LRCH1: variants seen among roughly 807,000 people sequenced by gnomAD.
The protein encoded by LRCH1 is leucine-rich repeat and calponin homology domain-containing protein 1.
LRCH1 carries 23 observed loss-of-function variants against 94.9 expected under a neutral mutation model. The observed-to-expected ratio is 0.24, with a 90% CI of 0.17 to 0.34. The LOEUF is 0.34. LRCH1 is among the 10% of genes least tolerant of loss of function. The pLI is 1.00. For synonymous variants in LRCH1, 364 were observed against 354.9 expected, an observed-to-expected ratio of 1.03 and a Z score of -0.29; for missense variants, 790 against 945.9, an observed-to-expected ratio of 0.84 and a Z score of 2.16.
At position 46,560,140 on chromosome 13, in the gene LRCH1, C is replaced by CATATATATATATATATATATAT. The variant is rs58876595; in HGVS notation, c.307+6446_307+6447insTATATATATATATATATATATA. ...TTTTGTGTATACATTTCTGTTCCCCCATATATATAGACTTTTTATATTTCA... is the reference window on the plus strand; with the variant it reads ...TTTTGTGTATACATTTCTGTTCCCCCATATATATATATATATATATATATATATATAGACTTTTTATATTTCA... On this transcript the variant is annotated intron_variant, in intron 1 of 19. Coordinates refer to ENST00000389797, the MANE Select transcript of LRCH1 (RefSeq NM_001164211.2). 9.2e-3 allele frequency among the ~76,000 whole-genome samples: 1,231 copies of CATATATATATATATATATATAT among 133,784 alleles called. 16 individuals carry two copies. Among genetic ancestry groups the CATATATATATATATATATATAT allele is most frequent in the East Asian group, 0.025 (108 of 4,378 alleles). The allele number at this position is 133,784 out of a possible 152,430, so 87.8% of individuals were successfully genotyped here. A position where few individuals can be genotyped will look rare whatever the true frequency, so the allele number is the denominator to read the frequency against.
At chr13:46,711,983 A>C in intron 14 of LRCH1, 139 bp downstream of exon 14, 1 of 586,672 alleles carries the variant, frequency 1.7e-6, no homozygotes, top group East Asian at 2.9e-5. Context: ...AACTCTCATT[A>C]GCTATCATAG....
chr13:46,592,396 T>C (rs1184383335), intron 1 of LRCH1, among the ~76,000 whole-genome samples: 1 of 152,174 alleles, frequency 6.6e-6, no homozygotes, highest in Non-Finnish European at 1.5e-5. Context: ...GGATTTCTCC[T>C]TTTCAGCCCA....
intron 10 of LRCH1, 140 bp downstream of exon 10, chr13:46,699,543 T>C: frequency 5.5e-6 from 4 of 727,010 alleles, no homozygotes; most frequent in South Asian, 5.3e-5. Flanking sequence ...TGATAAGAAG[T>C]TGCCAGTTTT....
chr13:46,664,795 G>A (rs2051494526), intron 2 of LRCH1, among the ~76,000 whole-genome samples: 2 of 152,082 alleles, frequency 1.3e-5, no homozygotes, highest in Admixed American at 6.6e-5. Context: ...TGTTAGGTAG[G>A]TCTTATTGTC....
intron 17 of LRCH1, 35 bp downstream of exon 17, chr13:46,723,365 T>G (rs756071543): frequency 3.6e-6 from 5 of 1,384,162 alleles, no homozygotes; most frequent in African/African-American, 1.4e-5. Context: ...AAAGGAGAAT[T>G]TAAGCAACAT....
chr13:46,720,251 G>A (rs369838839), intron 16 of LRCH1, among the ~76,000 whole-genome samples: 1 of 152,130 alleles, frequency 6.6e-6, no homozygotes, highest in East Asian at 1.9e-4. Flanking sequence ...GCCAGGCATG[G>A]TGGTGCAGGC....
chr13:46,685,282 G>A (rs1870547652), intron 4 of LRCH1, among the ~76,000 whole-genome samples: 1 of 152,116 alleles, frequency 6.6e-6, no homozygotes, highest in Non-Finnish European at 1.5e-5. Flanking sequence ...CACTGGGTGG[G>A]GATTTTAAGC....
At chr13:46,745,681 G>A (rs996953575), downstream of LRCH1, among the ~76,000 whole-genome samples, 4 of 152,148 alleles carry the variant, frequency 2.6e-5, no homozygotes, top group African/African-American at 4.8e-5. Context: ...TAAAGCTCTC[G>A]TACATCAAAA....
intron 17 of LRCH1, among the ~76,000 whole-genome samples, chr13:46,725,651 G>A (rs893332076): frequency 6.6e-6 from 1 of 152,220 alleles, no homozygotes; most frequent in Non-Finnish European, 1.5e-5. Context: ...CAGCCTCTTT[G>A]TTATAGCAGA....
intron 1 of LRCH1, among the ~76,000 whole-genome samples, chr13:46,627,957 C>T (rs560125854): frequency 2.6e-5 from 4 of 152,184 alleles, no homozygotes; most frequent in Admixed American, 1.3e-4. Context: ...CAAAATCATA[C>T]ATTCAGAATA....
chr13:46,620,356 C>A, intron 1 of LRCH1, among the ~76,000 whole-genome samples: 1 of 150,152 alleles, frequency 6.7e-6, no homozygotes, highest in Admixed American at 6.6e-5. Flanking sequence ...CAGTAAGAAC[C>A]TGTCTCAAAA....
intron 13 of LRCH1, chr13:46,705,712 G>A: frequency 2.9e-6 from 1 of 340,568 alleles, no homozygotes; most frequent in South Asian, 2.6e-5. Flanking sequence ...ACACCTGAAA[G>A]ACAAGAACAA....
chr13:46,638,458 T>C (rs2051119311), intron 1 of LRCH1, among the ~76,000 whole-genome samples: 1 of 152,236 alleles, frequency 6.6e-6, no homozygotes. Context: ...CCATATGGTA[T>C]AAATTTTGAA....
intron 2 of LRCH1, among the ~76,000 whole-genome samples, chr13:46,651,103 A>G (rs1230389067): frequency 6.6e-6 from 1 of 152,216 alleles, no homozygotes; most frequent in Admixed American, 6.5e-5. Context: ...CAGGAGAGAA[A>G]GGGAAGCTGT....
chr13:46,602,974 G>A (rs7992709), intron 1 of LRCH1, among the ~76,000 whole-genome samples: 5 of 27,640 alleles, frequency 1.8e-4, no homozygotes, highest in Non-Finnish European at 2.6e-4. Flanking sequence ...ATACATACAT[G>A]CATGCATACA....
chr13:46,741,659 G>A lies in LRCH1; in HGVS notation c.2103G>A (p.Pro701=), dbSNP rs776549538. Residue 701 remains proline (P), a synonymous_variant, in exon 20 of 20, where the codon CCG becomes CCA. Coordinates refer to ENST00000389797, the MANE Select transcript of LRCH1 (RefSeq NM_001164211.2). ...CGGAATAGGCTGACCTCTGCTCTCC[G>A]TGTGACATCCTGCAGTTGGATTTTC... ...LGVPEADLCS[P]CDILQLDFRH... is the part of the protein sequence containing the mutation. The A allele has an allele frequency of 1.5e-5, 24 of 1,614,066 alleles. No individual in the cohort carries two copies. Among genetic ancestry groups the A allele is most frequent in the Middle Eastern group, 1.7e-4 (1 of 6,060 alleles).
intron 1 of LRCH1, among the ~76,000 whole-genome samples, chr13:46,637,143 T>C (rs2138056725): frequency 6.6e-6 from 1 of 152,336 alleles, no homozygotes; most frequent in South Asian, 2.1e-4. Context: ...CATAATTGAC[T>C]ACTCTTTTTC....
Position 46,744,153 on chromosome 13 carries a change from T to C in LRCH1, c.*2305T>C. On this transcript the variant is annotated 3_prime_UTR_variant, in exon 20 of 20. Coordinates refer to ENST00000389797, the MANE Select transcript of LRCH1 (RefSeq NM_001164211.2). Reference sequence around the variant, plus strand: ...CAAGGTACCCGTGCACCAGCCCATATGCTAACTGGATGCCTGCGGATGCCT... The same window carrying C: ...CAAGGTACCCGTGCACCAGCCCATACGCTAACTGGATGCCTGCGGATGCCT... The C allele has an allele frequency of 1.0e-6, 1 of 985,428 alleles. No homozygotes were observed. The highest frequency in any genetic ancestry group is 1.2e-6 in the Non-Finnish European group (1 of 829,938). The allele number at this position is 985,428 out of a possible 1,614,324, so 61.0% of individuals were successfully genotyped here. A position where few individuals can be genotyped will look rare whatever the true frequency, so the allele number is the denominator to read the frequency against.
chr13:46,673,392 G>A (rs778414444), intron 3 of LRCH1, among the ~76,000 whole-genome samples: 13 of 151,990 alleles, frequency 8.6e-5, no homozygotes, highest in Middle Eastern at 3.4e-3. Flanking sequence ...TTAAGGTCAC[G>A]GTCTAAAAAA....
Sources: allele counts gnomAD v4.1 joint callset (sites outside exome capture counted in the v4.1 genomes callset), GRCh38; gene constraint gnomAD v4.1.1; transcripts MANE v1.5; gene names NCBI Gene and HGNC (gene_info 2026-07-23, HGNC 2026-07-21).